Variants in ADD2 observed in about 807,000 individuals in gnomAD.
The protein encoded by ADD2 is beta-adducin.
Under a neutral mutation model 83.0 loss-of-function variants are expected in ADD2, and 23 were observed. The ratio of observed to expected loss-of-function variants is 0.28; its 90% CI spans 0.20 to 0.39. The LOEUF is 0.39. Among genes scored for constraint, ADD2 ranks in the 10% least tolerant of loss-of-function variants. ADD2 has a pLI of 1.00. For missense variants in ADD2, 758 were observed against 944.9 expected, an observed-to-expected ratio of 0.80 and a Z score of 2.59; for synonymous variants, 375 against 375.4, an observed-to-expected ratio of 1.00 and a Z score of 0.01.
intron 15 of ADD2, among the ~76,000 whole-genome samples, chr2:70,664,844 G>A (rs1262355728): frequency 6.7e-6 from 1 of 150,046 alleles, no homozygotes; most frequent in African/African-American, 2.5e-5. Context: ...CCATGAGTGT[G>A]TCTGTGTGTG....
rs782074688 is a variant in ADD2, at chr2:70,663,662, C to T, written c.1944G>A (p.Val648=). Residue 648 remains valine, a synonymous_variant, in exon 16 of 16, where the codon GTG becomes GTA. Transcript: ENST00000264436. ...TCTGCTCCTCCTCCCTCCCGTTGAC[C>T]ACCACCCCTTCCGGCTGGGTTGTTT... ...EPETTQPEGV[V]VNGREEEQTA... 6.2e-7 allele frequency: 1 copy of T among 1,614,106 alleles called. No homozygotes were observed. Among genetic ancestry groups the T allele is most frequent in the Non-Finnish European group, 8.5e-7 (1 of 1,180,026 alleles).
intron 1 of ADD2, among the ~76,000 whole-genome samples, chr2:70,742,106 A>G (rs1433741627): frequency 1.3e-5 from 2 of 152,212 alleles, no homozygotes; most frequent in Non-Finnish European, 2.9e-5. Context: ...CTACACCTTT[A>G]ATATTCCTAA....
chr2:70,768,134 G>A lies in ADD2; in HGVS notation c.-402C>T. On this transcript the variant is annotated 5_prime_UTR_variant, in exon 1 of 16. Transcript: ENST00000264436. ...TCCTTGACAAAAGGCTCGGGTTCCC[G>A]CTAGTCCCTCACAGCCCTGCCGTCA... is the stretch of plus-strand genomic sequence containing the variant. 1.5e-6 allele frequency: 1 copy of A among 657,664 alleles called. No individual in the cohort carries two copies. Among genetic ancestry groups the A allele is most frequent in the Middle Eastern group, 4.1e-4 (1 of 2,428 alleles). 40.7% of individuals were successfully genotyped at this position (657,664 alleles called of 1,614,324 possible).
chr2:70,735,457 C>A (rs1321842371), intron 1 of ADD2, among the ~76,000 whole-genome samples: 1 of 152,106 alleles, frequency 6.6e-6, no homozygotes, highest in Non-Finnish European at 1.5e-5. Context: ...TCCAGGGGAG[C>A]TTTTAAAAAT....
chr2:70,746,219 C>A lies in ADD2; in HGVS notation c.-154+21667G>T, dbSNP rs182854497. On this transcript the variant is annotated intron_variant, in intron 1 of 15. Coordinates refer to ENST00000264436, the MANE Select transcript of ADD2 (RefSeq NM_001617.4). Reference sequence around the variant, plus strand: ...CCCTTTGTGAGATTTTCTCTGATCTCTGGAGCAGAATTAATAGGCCTCTTC... The same window carrying A: ...CCCTTTGTGAGATTTTCTCTGATCTATGGAGCAGAATTAATAGGCCTCTTC... Among the ~76,000 whole-genome samples the A allele has an allele frequency of 5.5e-3, 832 of 152,312 alleles. 9 individuals are homozygous for A. Among genetic ancestry groups the A allele is most frequent in the African/African-American group, 0.019 (777 of 41,574 alleles).
rs1670124115 is a variant in ADD2, at chr2:70,676,065, A to G, written c.1593+731T>C. ...TGCAGTCTTGACCTGAAATCATTGC[A>G]TCATCACAATTTGCCCTGCAGAGAG... is the stretch of plus-strand genomic sequence containing the variant. On this transcript the variant is annotated intron_variant, in intron 13 of 15. Transcript: ENST00000264436. The surrounding 1 kb of genome is among the most constrained non-coding windows in gnomAD (Gnocchi z 4.8). The G allele has an allele frequency of 1.0e-6, 1 of 985,390 alleles. No homozygotes were observed. 61.0% of individuals were successfully genotyped at this position (985,390 alleles called of 1,614,324 possible).
chr2:70,726,883 C>G (rs781902416), intron 1 of ADD2, among the ~76,000 whole-genome samples: 4 of 152,162 alleles, frequency 2.6e-5, no homozygotes, highest in Non-Finnish European at 4.4e-5. Context: ...GTAGGAGATA[C>G]AGAGAGCCCT....
chr2:70,715,894 G>A (rs530036040), intron 1 of ADD2, among the ~76,000 whole-genome samples: 2 of 152,092 alleles, frequency 1.3e-5, no homozygotes, highest in Admixed American at 6.5e-5. Context: ...CACCCGCAGC[G>A]CCAGGCCCTG....
intron 1 of ADD2, among the ~76,000 whole-genome samples, chr2:70,732,255 A>G (rs1673319937): frequency 6.6e-6 from 1 of 152,160 alleles, no homozygotes; most frequent in Non-Finnish European, 1.5e-5. Context: ...TTGTCCACCA[A>G]AAACAGCTCT....
intron 1 of ADD2, among the ~76,000 whole-genome samples, chr2:70,753,598 G>C (rs532242532): frequency 2.6e-5 from 4 of 152,170 alleles, no homozygotes; most frequent in African/African-American, 4.8e-5. Context: ...TCAGGGGTTG[G>C]GGGGTGGGAA....
In ADD2 at chr2:70,672,931, G is replaced by C; in HGVS notation, c.1817C>G (p.Ala606Gly). 5 of 1,613,636 alleles carry C rather than the reference G, an allele frequency of 3.1e-6. No homozygotes were observed. Among genetic ancestry groups the C allele is most frequent in the East Asian group, 4.5e-5 (2 of 44,880 alleles). Residue 606 changes from alanine (A) to glycine (G), a missense_variant, in exon 15 of 16, where the codon GCG becomes GGG. By Grantham distance (60) the Ala-to-Gly change is moderately conservative. Around this residue, in one of 5 missense-constraint regions of ADD2, gnomAD observed 165 missense variants for 176.2 expected, o/e 0.94. Transcript: ENST00000264436. ...AGGGCTCTTTGTCTCTGCCTCCTTC[G>C]CTGGGCTCTGCACTGGAGAAGCAGG... ...SAPASPVQSPAKEAETKSPLV... is the reference protein window; with the variant it reads ...SAPASPVQSPGKEAETKSPLV...
chr2:70,733,731 T>C (rs1673390605), intron 1 of ADD2, among the ~76,000 whole-genome samples: 1 of 152,188 alleles, frequency 6.6e-6, no homozygotes, highest in Non-Finnish European at 1.5e-5. Context: ...GAACGGAAGA[T>C]TCTATATCTG....
At chr2:70,704,265 C>CCCCCCCCCCCCCCCCCCA in intron 4 of ADD2, 56 bp downstream of exon 4, 1 of 442,438 alleles carries the variant, frequency 2.3e-6, no homozygotes, top group Non-Finnish European at 4.5e-6. Flanking sequence ...CCCTCTCTTC[C>CCCCCCCCCCCCCCCCCCA]CCACCCCACC....
At chr2:70,664,471 C>G (rs1362814853) in intron 15 of ADD2, among the ~76,000 whole-genome samples, 2 of 152,234 alleles carry the variant, frequency 1.3e-5, no homozygotes, top group Non-Finnish European at 2.9e-5. Flanking sequence ...CTCACTCAAC[C>G]TTGCTTCCAC....
chr2:70,706,421 T>C lies in ADD2; in HGVS notation c.-13A>G, dbSNP rs1671906745. The stretch of plus-strand genomic sequence containing the variant: ...TCTCTTCGCTCATTTTCCCGGTGGG[T>C]TTGCAATTCGCTCCTGGAACTCTAC... On this transcript the variant is annotated 5_prime_UTR_variant, in exon 3 of 16. Coordinates refer to ENST00000264436, the MANE Select transcript of ADD2 (RefSeq NM_001617.4). The surrounding 1 kb of genome is among the most constrained non-coding windows in gnomAD (Gnocchi z 5.0). The C allele has an allele frequency of 6.3e-7, 1 of 1,597,286 alleles. No individual in the cohort carries two copies. Among genetic ancestry groups the C allele is most frequent in the Admixed American group, 1.7e-5 (1 of 59,180 alleles).
At chr2:70,707,787 C>T (rs1378408571) in intron 2 of ADD2, among the ~76,000 whole-genome samples, 1 of 152,268 alleles carries the variant, frequency 6.6e-6, no homozygotes, top group African/African-American at 2.4e-5. Context: ...CACCTGGGTT[C>T]TCATCCATAA....
chr2:70,766,908 T>A (rs528405393), intron 1 of ADD2, among the ~76,000 whole-genome samples: 36 of 152,352 alleles, frequency 2.4e-4, no homozygotes, highest in African/African-American at 8.7e-4. Context: ...ATGACAGTTT[T>A]TTAAAGAATT....
intron 1 of ADD2, among the ~76,000 whole-genome samples, chr2:70,736,795 G>A (rs1673587976): frequency 6.7e-6 from 1 of 148,346 alleles, no homozygotes; most frequent in South Asian, 2.1e-4. Context: ...TTTTTAAGTT[G>A]AATGAATGCT....
Position 70,672,865 on chromosome 2 carries a change from C to T in ADD2, c.1870+13G>A, listed in dbSNP as rs1226281801. On this transcript the variant is annotated intron_variant, in intron 15 of 15. Coordinates refer to ENST00000264436, the MANE Select transcript of ADD2 (RefSeq NM_001617.4). ...CCCTCTCCCTCCCTCCCAGCCTACT[C>T]AGCTGGACTCACCCTCTAAAGACTT... The T allele has an allele frequency of 3.7e-6, 6 of 1,607,678 alleles. No homozygotes were observed. In the African/African-American group the frequency reaches 6.7e-5, roughly 18 times the overall value.
Sources: allele counts gnomAD v4.1 joint callset (sites outside exome capture counted in the v4.1 genomes callset), GRCh38; gene constraint gnomAD v4.1.1; regional missense constraint gnomAD v4.1.1; non-coding constraint Gnocchi (gnomAD v3.1); transcripts MANE v1.5; gene names NCBI Gene and HGNC (gene_info 2026-07-23, HGNC 2026-07-21).